KSR2: variants seen among roughly 807,000 people sequenced by gnomAD.
KSR2 encodes kinase suppressor of ras 2.
A neutral mutation model predicts 107.8 loss-of-function variants in KSR2; 25 were observed. That is an observed-to-expected ratio of 0.23 (90% CI 0.17 to 0.32). The LOEUF (loss-of-function observed/expected upper bound fraction) is 0.32, where lower values mean the gene tolerates loss of function less well. Ranked by LOEUF, KSR2 falls within the 10% of genes least tolerant of loss-of-function variation. KSR2 has a pLI of 1.00. For missense variants in KSR2, 887 were observed against 1,268.9 expected (o/e 0.70, Z 4.57); for synonymous variants, 480 against 507.0 (o/e 0.95, Z 0.71).
chr12:117,708,837 C>A (rs548131047), intron 4 of KSR2, among the ~76,000 whole-genome samples: 1 of 152,270 alleles, frequency 6.6e-6, no homozygotes, highest in East Asian at 1.9e-4. Flanking sequence ...ATCTCCTGTT[C>A]CTGCTGTAAC....
At chr12:117,866,038 C>CTTTATTTTT (rs538018917) in intron 1 of KSR2, among the ~76,000 whole-genome samples, 4 of 124,226 alleles carry the variant, frequency 3.2e-5, no homozygotes, top group African/African-American at 1.2e-4. Flanking sequence ...TAATCTCTCT[C>CTTTATTTTT]TTTTTTTTTT....
intron 3 of KSR2, among the ~76,000 whole-genome samples, chr12:117,794,638 A>G (rs1450047646): frequency 6.8e-6 from 1 of 147,186 alleles, no homozygotes; most frequent in Non-Finnish European, 1.5e-5. Context: ...ACACACACCA[A>G]TATGCACACT....
chr12:117,828,184 C>T (rs1891826908), intron 3 of KSR2, among the ~76,000 whole-genome samples: 1 of 152,138 alleles, frequency 6.6e-6, no homozygotes, highest in Admixed American at 6.5e-5. Flanking sequence ...CAGGGCCTAC[C>T]CAGTGTCCGG....
chr12:117,843,092 G>A (rs985842193), intron 3 of KSR2, among the ~76,000 whole-genome samples: 7 of 152,048 alleles, frequency 4.6e-5, no homozygotes, highest in Admixed American at 3.3e-4. Flanking sequence ...GTGTTTATAC[G>A]AACACAGTGT....
chr12:117,778,709 C>A (rs545663952), intron 3 of KSR2, among the ~76,000 whole-genome samples: 1 of 152,262 alleles, frequency 6.6e-6, no homozygotes, highest in South Asian at 2.1e-4. Context: ...AGGTGAGAAG[C>A]TTAGGAGGCC....
intron 5 of KSR2, among the ~76,000 whole-genome samples, chr12:117,613,754 G>A (rs1565926603): frequency 6.6e-6 from 1 of 152,214 alleles, no homozygotes; most frequent in Non-Finnish European, 1.5e-5. Context: ...CATCACATGT[G>A]GATGAGCTGA....
At chr12:117,724,119 C>T (rs1887317399) in intron 4 of KSR2, among the ~76,000 whole-genome samples, 2 of 152,012 alleles carry the variant, frequency 1.3e-5, no homozygotes, top group South Asian at 4.2e-4. Context: ...CCAGCCTGGC[C>T]AACATGGTGA....
intron 1 of KSR2, among the ~76,000 whole-genome samples, chr12:117,861,451 T>G (rs377471474): frequency 2.9e-5 from 4 of 135,602 alleles, no homozygotes; most frequent in South Asian, 2.7e-4. Context: ...TGCAGTGGCG[T>G]GATCTCGGCT....
intron 1 of KSR2, among the ~76,000 whole-genome samples, chr12:117,881,533 C>G (rs1894026939): frequency 6.6e-6 from 1 of 152,252 alleles, no homozygotes; most frequent in Admixed American, 6.5e-5. Context: ...CCAAGAATCT[C>G]AACAGCTAGA....
chr12:117,507,702 A>T (rs1394037629), intron 14 of KSR2, among the ~76,000 whole-genome samples: 1 of 152,082 alleles, frequency 6.6e-6, no homozygotes, highest in Non-Finnish European at 1.5e-5. Context: ...CCCCCCTGCG[A>T]TCTTGTTTGA....
chr12:117,569,830 G>A (rs2136212341), intron 7 of KSR2, among the ~76,000 whole-genome samples: 1 of 152,114 alleles, frequency 6.6e-6, no homozygotes, highest in Middle Eastern at 3.4e-3. Flanking sequence ...ATATATATAA[G>A]GATTCACCCT....
At chr12:117,588,101 C>T (rs1226564528) in intron 5 of KSR2, among the ~76,000 whole-genome samples, 1 of 152,184 alleles carries the variant, frequency 6.6e-6, no homozygotes, top group African/African-American at 2.4e-5. Flanking sequence ...AAATCCACAT[C>T]CCATCACTCC....
chr12:117,761,283 G>T lies in KSR2; in HGVS notation c.714C>A (p.Pro238=). The T allele has an allele frequency of 6.6e-7, 1 of 1,519,860 alleles. No homozygotes were observed. Among genetic ancestry groups the T allele is most frequent in the Non-Finnish European group, 8.8e-7 (1 of 1,137,436 alleles). 94.1% of individuals were successfully genotyped at this position (1,519,860 alleles called of 1,614,324 possible). A position where few individuals can be genotyped will look rare whatever the true frequency, so the allele number is the denominator to read the frequency against. The change falls in exon 4 of 20, where the codon CCC becomes CCA. Residue 238 remains proline, a synonymous_variant. Transcript: ENST00000339824. ...AACGGTGGCCCGACTCCAGTGGCGG[G>T]GGCGGGCACAAGCCCGGGTAGGCGT... ...TVDAYPGLCP[P]PPLESGHRSL...
At chr12:117,619,865 C>A (rs559926888) in intron 5 of KSR2, among the ~76,000 whole-genome samples, 4 of 151,774 alleles carry the variant, frequency 2.6e-5, no homozygotes, top group Admixed American at 2.0e-4. Flanking sequence ...AGTAAACTTG[C>A]AGAAATGTGA....
chr12:117,652,154 CAG>C (rs1883930293), intron 5 of KSR2, among the ~76,000 whole-genome samples: 1 of 151,964 alleles, frequency 6.6e-6, no homozygotes, highest in African/African-American at 2.4e-5. Flanking sequence ...TTTGGGGACT[CAG>C]GGGCAGTGTG....
chr12:117,766,645 A>T (rs1889238026), intron 3 of KSR2, among the ~76,000 whole-genome samples: 1 of 152,076 alleles, frequency 6.6e-6, no homozygotes, highest in Admixed American at 6.6e-5. Flanking sequence ...GGCACAGAAG[A>T]GTGGAACCCC....
At chr12:117,828,435 G>A (rs1356161214) in intron 3 of KSR2, among the ~76,000 whole-genome samples, 1 of 152,112 alleles carries the variant, frequency 6.6e-6, no homozygotes, top group Non-Finnish European at 1.5e-5. Context: ...CCATACAAAT[G>A]GCTACCAAAC....
intron 3 of KSR2, among the ~76,000 whole-genome samples, chr12:117,843,057 A>T (rs78820769): frequency 0.021 from 3,135 of 152,240 alleles, 100 homozygotes; most frequent in African/African-American, 0.07. Context: ...TCCAGTACAT[A>T]TTCAGTGCCA....
At chr12:117,737,415 A>T (rs536546610) in intron 4 of KSR2, among the ~76,000 whole-genome samples, 3 of 152,190 alleles carry the variant, frequency 2.0e-5, no homozygotes, top group African/African-American at 4.8e-5. Flanking sequence ...TCCAAACTTC[A>T]GTCATTCTGT....
Sources: allele counts gnomAD v4.1 joint callset (sites outside exome capture counted in the v4.1 genomes callset), GRCh38; gene constraint gnomAD v4.1.1; transcripts MANE v1.5; gene names NCBI Gene and HGNC (gene_info 2026-07-23, HGNC 2026-07-21).